CHD3: variants seen among roughly 807,000 people sequenced by gnomAD.
CHD3 encodes chromodomain helicase DNA binding protein 3, also known as ATP-dependent chromatin remodeler CHD3.
A neutral mutation model predicts 248.9 loss-of-function variants in CHD3; 52 were observed. That is an observed-to-expected ratio of 0.21 (90% CI 0.17 to 0.26). CHD3 has a LOEUF of 0.26. Ranked by LOEUF, CHD3 falls within the 10% of genes least tolerant of loss-of-function variation. The pLI is 1.00. For missense variants in CHD3, 1,482 were observed against 2,605.8 expected, an observed-to-expected ratio of 0.57 and a Z score of 9.39; for synonymous variants, 985 against 985.2, an observed-to-expected ratio of 1.00 and a Z score of 0.00.
In CHD3 at chr17:7,902,639, C is replaced by G; in HGVS notation, c.3282C>G (p.Asp1094Glu). Reference protein sequence around the residue: ...QMTKMLDLLEDFLDYEGYKYE... With the variant: ...QMTKMLDLLEEFLDYEGYKYE... The stretch of plus-strand genomic sequence containing the variant: ...CCAAAATGTTAGACTTGCTTGAGGA[C>G]TTCTTAGACTATGAAGGCTACAAGT... Residue 1094 changes from aspartate (D) to glutamate (E), a missense_variant, in exon 21 of 40, where the codon GAC (aspartate) becomes GAG (glutamate). Asp to Glu is a conservative substitution (Grantham distance 45, BLOSUM62 2). Transcript: ENST00000330494. 2 of 1,613,806 alleles carry G rather than the reference C, an allele frequency of 1.2e-6. No individual in the cohort carries two copies. Among genetic ancestry groups the G allele is most frequent in the East Asian group, 2.2e-5 (1 of 44,856 alleles).
chr17:7,891,161 C>T, intron 4 of CHD3, 97 bp downstream of exon 4: 1 of 1,403,920 alleles, frequency 7.1e-7, no homozygotes, highest in South Asian at 1.3e-5. Context: ...AAACTGCTCT[C>T]CAGAGAATTC....
rs752446870 is a variant in CHD3 at position 7,904,417 on chromosome 17, GTTCA to G, written c.3895-17_3895-14del. On this transcript the variant is annotated intron_variant, in intron 24 of 39. Transcript: ENST00000330494. The surrounding 1 kb of genome is among the most constrained non-coding windows in gnomAD (Gnocchi z 4.4). ...ATTAGCAAAGAAGGAGACCCCCAGT[GTTCA>G]TTCATTCTGTTGCCCTTCAGATTGA... 2.6e-5 allele frequency: 41 copies of G among 1,602,428 alleles called. No homozygotes were observed. In the Admixed American group the frequency reaches 6.4e-4, roughly 25 times the overall value.
chr17:7,888,715 T>G (rs1487827447), upstream of CHD3: 37 of 742,564 alleles, frequency 5.0e-5, no homozygotes, highest in East Asian at 9.6e-5. Context: ...CCTGAGAGTG[T>G]GTGTGGGTGT....
chr17:7,906,830 C>T lies in CHD3; in HGVS notation c.4504-39C>T. 1 of 1,612,258 alleles carries T rather than the reference C, an allele frequency of 6.2e-7. No individual in the cohort carries two copies. On this transcript the variant is annotated intron_variant, in intron 29 of 39. Transcript: ENST00000330494. The surrounding 1 kb of genome is among the most constrained non-coding windows in gnomAD (Gnocchi z 5.0). The stretch of plus-strand genomic sequence containing the variant: ...ACTGGAGCTTCCTGTCTGTAAGCGC[C>T]TGGAGCTGACACCTAACCCTCCCAC...
rs116669040 is a variant in CHD3 at position 7,904,000 on chromosome 17, C to T, written c.3894+9C>T. ...TGCGGGAAGAAGACAAGGTGAGAGG[C>T]TTTGGGGGCCAGACATTATCTATCC... On this transcript the variant is annotated intron_variant, in intron 24 of 39. Coordinates refer to ENST00000330494, the MANE Select transcript of CHD3 (RefSeq NM_001005273.3). This position sits in a 1 kb window ranked among gnomAD's most constrained non-coding sequence, Gnocchi z 6.8. The T allele has an allele frequency of 2.5e-6, 4 of 1,612,722 alleles. No homozygotes were observed. The highest frequency in any genetic ancestry group is 2.7e-5 in the African/African-American group (2 of 75,024).
chr17:7,893,806 T>C lies in CHD3; in HGVS notation c.795T>C (p.Gly265=), dbSNP rs1306021483. The change falls in exon 6 of 40, where the codon GGT becomes GGC. Residue 265 remains glycine (G), a splice_region_variant and synonymous_variant. Coordinates refer to ENST00000330494, the MANE Select transcript of CHD3 (RefSeq NM_001005273.3). ...IRRAKTKEGK[G]PGHKRRSKSP... is the part of the protein sequence containing the mutation. ...TTCTCACCCCGACTCCTCATTCAGG[T>C]CCAGGCCATAAGAGGCGGAGTAAGA... 6.2e-7 allele frequency: 1 copy of C among 1,613,782 alleles called. No individual in the cohort carries two copies. Among genetic ancestry groups the C allele is most frequent in the Non-Finnish European group, 8.5e-7 (1 of 1,180,002 alleles).
Position 7,897,695 on chromosome 17 carries a change from C to G in CHD3, c.1920-276C>G, listed in dbSNP as rs1216459822. Among the ~76,000 whole-genome samples the G allele has an allele frequency of 2.0e-5, 3 of 152,216 alleles. No individual in the cohort carries two copies. The highest frequency in any genetic ancestry group is 6.5e-5 in the Admixed American group (1 of 15,278). On this transcript the variant is annotated intron_variant, in intron 11 of 39. Coordinates refer to ENST00000330494, the MANE Select transcript of CHD3 (RefSeq NM_001005273.3). This position sits in a 1 kb window ranked among gnomAD's most constrained non-coding sequence, Gnocchi z 4.8. The stretch of plus-strand genomic sequence containing the variant: ...TCAATGCTGCCTTCCCCACGAGACT[C>G]TGAGTTCCATGAGGAAAATACTTAG...
In CHD3 at chr17:7,905,325, C is replaced by A; in HGVS notation, c.4138+160C>A. On this transcript the variant is annotated intron_variant, in intron 26 of 39. Transcript: ENST00000330494. This position sits in a 1 kb window ranked among gnomAD's most constrained non-coding sequence, Gnocchi z 5.8. Reference sequence around the variant, plus strand: ...GGAAGAAATATTCATAGTCTCTCTGCTAGTAAACTTCGGTGTGTGTGACCA... The same window carrying A: ...GGAAGAAATATTCATAGTCTCTCTGATAGTAAACTTCGGTGTGTGTGACCA... The A allele has an allele frequency of 1.4e-6, 1 of 705,722 alleles. No homozygotes were observed. 43.7% of individuals were successfully genotyped at this position (705,722 alleles called of 1,614,324 possible).
At chr17:7,891,186 C>A in intron 4 of CHD3, 122 bp downstream of exon 4, 1 of 1,136,260 alleles carries the variant, frequency 8.8e-7, no homozygotes, top group Non-Finnish European at 1.3e-6. Context: ...TGTATACACA[C>A]CAAATTCTAC....
intron 13 of CHD3, 42 bp downstream of exon 13, chr17:7,898,637 G>T (rs1017713280): frequency 6.6e-7 from 1 of 1,505,212 alleles, no homozygotes; most frequent in Non-Finnish European, 9.2e-7. Context: ...TGGAGTGATG[G>T]TGATCGAAGA....
Position 7,900,409 on chromosome 17 carries a change from T to A in CHD3, c.2802T>A (p.Phe934Leu), listed in dbSNP as rs1173523949. The A allele has an allele frequency of 6.2e-7, 1 of 1,614,064 alleles. No homozygotes were observed. Among genetic ancestry groups the A allele is most frequent in the Non-Finnish European group, 8.5e-7 (1 of 1,180,008 alleles). Residue 934 changes from phenylalanine (F) to leucine (L), a missense_variant and splice_region_variant, in exon 17 of 40, where the codon TTT (phenylalanine) becomes TTA (leucine). By Grantham distance (22) the Phe-to-Leu change is conservative. Coordinates refer to ENST00000330494, the MANE Select transcript of CHD3 (RefSeq NM_001005273.3). This position sits in a 1 kb window ranked among gnomAD's most constrained non-coding sequence, Gnocchi z 6.5. ...HLLNFLTPER[F>L]NNLEGFLEEF... is the part of the protein sequence containing the mutation. ...TGAACTTCCTCACCCCAGAGAGATTTAAGTAAGTGGTTCCCTAAGGGTAGT... is the reference window on the plus strand; with the variant it reads ...TGAACTTCCTCACCCCAGAGAGATTAAAGTAAGTGGTTCCCTAAGGGTAGT...
upstream of CHD3, among the ~76,000 whole-genome samples, chr17:7,887,285 A>G (rs1968116179): frequency 6.6e-6 from 1 of 152,072 alleles, no homozygotes; most frequent in African/African-American, 2.4e-5. Context: ...ATTCTTACTC[A>G]AGACCAATTT....
intron 19 of CHD3, 94 bp downstream of exon 19, chr17:7,901,087 G>C (rs62062524): frequency 0.18 from 277,439 of 1,528,770 alleles, 28,529 homozygotes; most frequent in East Asian, 0.42. Flanking sequence ...CACAGGGGTG[G>C]AGCTGGGCTG....
In CHD3 at chr17:7,899,372, T is replaced by C. The variant is rs1436725578; in HGVS notation, c.2373T>C (p.Ser791=). ...ACACAAAAGGTCCCTTCCTGGTGAG[T>C]GCCCCACTCTCTACCATCATTAACT... ...EGHTKGPFLV[S]APLSTIINWE... is the part of the protein sequence containing the mutation. Residue 791 remains serine (S), a synonymous_variant, in exon 15 of 40, where the codon AGT becomes AGC. Transcript: ENST00000330494. The surrounding 1 kb of genome is among the most constrained non-coding windows in gnomAD (Gnocchi z 6.8). 1.2e-6 allele frequency: 2 copies of C among 1,614,068 alleles called. No individual in the cohort carries two copies. The highest frequency in any genetic ancestry group is 2.2e-5 in the East Asian group (1 of 44,864).
At chr17:7,885,076 G>C, upstream of CHD3, 7 of 983,782 alleles carry the variant, frequency 7.1e-6, no homozygotes, top group Non-Finnish European at 8.4e-6. Context: ...CGCCGCCCCC[G>C]CCGCCAGGTA....
rs1160718822 is a variant in CHD3 at position 7,907,197 on chromosome 17, G to A, written c.4738G>A (p.Glu1580Lys). The A allele has an allele frequency of 1.2e-6, 2 of 1,614,136 alleles. No homozygotes were observed. Among genetic ancestry groups the A allele is most frequent in the Non-Finnish European group, 1.7e-6 (2 of 1,180,048 alleles). Residue 1580 changes from glutamate (E) to lysine (K), a missense_variant, in exon 31 of 40, where the codon GAG becomes AAG. Physicochemically the swap from Glu to Lys is moderately conservative, Grantham distance 56. This residue lies in a region of CHD3 where 254 missense variants were observed against 266.7 expected (regional missense o/e 0.95). Coordinates refer to ENST00000330494, the MANE Select transcript of CHD3 (RefSeq NM_001005273.3). This position sits in a 1 kb window ranked among gnomAD's most constrained non-coding sequence, Gnocchi z 4.3. The stretch of plus-strand genomic sequence containing the variant: ...TGAGAAGGAGGAAGCTGAAAACCAG[G>A]AGGAAAAGCCAGAGAAGAACAGCAG... ...PLEKEEAENQ[E>K]EKPEKNSRIG... is the part of the protein sequence containing the mutation.
rs367548976 is a variant in CHD3 at position 7,910,900 on chromosome 17, C to T, written c.5808C>T (p.Ser1936=). The T allele has an allele frequency of 4.5e-5, 73 of 1,613,518 alleles. No individual in the cohort carries two copies. The highest frequency in any genetic ancestry group is 2.2e-4 in the South Asian group (20 of 91,054). ...CTCCGGGGTACGGGGCGGCCTTCAGCGCCGCACCCGTAGGGGCCCTGGCCG... is the reference window on the plus strand; with the variant it reads ...CTCCGGGGTACGGGGCGGCCTTCAGTGCCGCACCCGTAGGGGCCCTGGCCG... ...ATPPGYGAAF[S]AAPVGALAAA... is the part of the protein sequence containing the mutation. The change falls in exon 39 of 40, where the codon AGC becomes AGT. Residue 1936 remains serine, a synonymous_variant. Coordinates refer to ENST00000330494, the MANE Select transcript of CHD3 (RefSeq NM_001005273.3). The surrounding 1 kb of genome is among the most constrained non-coding windows in gnomAD (Gnocchi z 4.7).
In CHD3 at chr17:7,889,209, C is replaced by G; in HGVS notation, c.100+109C>G. ...GGTGTCCACCTTTGGCTCTCCCTCC[C>G]CAGCATCTGGCTTAGGGAGCTGCCA... On this transcript the variant is annotated intron_variant, in intron 1 of 39. Transcript: ENST00000330494. This position sits in a 1 kb window ranked among gnomAD's most constrained non-coding sequence, Gnocchi z 4.5. 7.2e-7 allele frequency: 1 copy of G among 1,383,940 alleles called. No homozygotes were observed. The highest frequency in any genetic ancestry group is 1.3e-5 in the South Asian group (1 of 78,442). The allele number at this position is 1,383,940 out of a possible 1,614,324, so 85.7% of individuals were successfully genotyped here.
At chr17:7,885,104 C>A (rs1186417450), upstream of CHD3, 5 of 982,744 alleles carry the variant, frequency 5.1e-6, no homozygotes, top group Non-Finnish European at 6.0e-6. Flanking sequence ...GCCCCGACTC[C>A]CCCCCCAAGC....
Sources: allele counts gnomAD v4.1 joint callset (sites outside exome capture counted in the v4.1 genomes callset), GRCh38; gene constraint gnomAD v4.1.1; regional missense constraint gnomAD v4.1.1; non-coding constraint Gnocchi (gnomAD v3.1); transcripts MANE v1.5; gene names NCBI Gene and HGNC (gene_info 2026-07-23, HGNC 2026-07-21).